The following USP28 variants were observed in gnomAD, a reference collection of about 807,000 sequenced individuals.
The protein encoded by USP28 is ubiquitin specific peptidase 28, also known as ubiquitin carboxyl-terminal hydrolase 28.
In USP28, 113 loss-of-function variants were observed where a neutral mutation model predicts 145.0. That is an observed-to-expected ratio of 0.78 (90% CI 0.67 to 0.91). The LOEUF is 0.91. USP28 is among the 40% of genes least tolerant of loss of function. The pLI, the probability that USP28 is intolerant of heterozygous loss-of-function variation, is 0.00. For missense variants in USP28, 1,201 were observed against 1,289.6 expected (o/e 0.93, Z 1.05); for synonymous variants, 447 against 450.9 (o/e 0.99, Z 0.11).
At chr11:113,858,939 T>C (rs1209340759) in intron 1 of USP28, among the ~76,000 whole-genome samples, 1 of 152,242 alleles carries the variant, frequency 6.6e-6, no homozygotes, top group Non-Finnish European at 1.5e-5. Context: ...TATGAAATTC[T>C]TGCCTTCTTT....
intron 5 of USP28, among the ~76,000 whole-genome samples, chr11:113,838,900 C>T (rs1432099731): frequency 6.6e-6 from 1 of 152,148 alleles, no homozygotes; most frequent in Non-Finnish European, 1.5e-5. Flanking sequence ...CATTTTTTGG[C>T]TTGAGCAGCT....
At position 113,801,673 on chromosome 11, in the gene USP28, C is replaced by T. The variant is rs902962307; in HGVS notation, c.2868G>A (p.Leu956=). 7 of 1,563,174 alleles carry T rather than the reference C, an allele frequency of 4.5e-6. No individual in the cohort carries two copies. In the African/African-American group the frequency reaches 6.7e-5, roughly 15 times the overall value. Reference sequence around the variant, plus strand: ...CAAAAAGAGAAGCTGCTTTGGCATTCAGCTCCTACAGATAAAAGGTAGAAT... The same window carrying T: ...CAAAAAGAGAAGCTGCTTTGGCATTTAGCTCCTACAGATAAAAGGTAGAAT... Residue 956 remains leucine (L), a synonymous_variant, in exon 24 of 25, where the codon CTG becomes CTA. Coordinates refer to ENST00000003302, the Ensembl canonical transcript of USP28.
chr11:113,813,787 G>C, intron 15 of USP28, 98 bp downstream of exon 15: 1 of 874,140 alleles, frequency 1.1e-6, no homozygotes, highest in South Asian at 1.5e-5. Context: ...TTATCTTAGG[G>C]GGATTCCCAT....
exon 25 of USP28, chr11:113,798,197 T>G (rs970037731): frequency 6.6e-6 from 1 of 150,398 alleles, no homozygotes; most frequent in East Asian, 2.0e-4. Context: ...GATAGATCAC[T>G]TGAGGCCAGG....
Position 113,841,731 on chromosome 11 carries a change from AAGATC to A in USP28, c.301_305del (p.Asp101SerfsTer17), listed in dbSNP as rs1332799585. 3 of 1,613,686 alleles carry A rather than the reference AAGATC, an allele frequency of 1.9e-6. No individual in the cohort carries two copies. In the Admixed American group the frequency reaches 5.0e-5, roughly 27 times the overall value. ...GTAGACTCAAAGCAATGGCAGCCTG[AAGATC>A]ATCTTTGTTATCATGAGTAAGGTCT... On this transcript the variant is annotated frameshift_variant, in exon 4 of 25. Coordinates refer to ENST00000003302, the Ensembl canonical transcript of USP28. LOFTEE classifies it high-confidence loss of function.
chr11:113,819,478 A>G (rs1942278264), intron 12 of USP28, among the ~76,000 whole-genome samples: 2 of 152,194 alleles, frequency 1.3e-5, no homozygotes, highest in African/African-American at 2.4e-5. Flanking sequence ...AATACAAAAA[A>G]GTATAAAACA....
chr11:113,834,143 C>A, intron 6 of USP28, 106 bp downstream of exon 6: 2 of 744,924 alleles, frequency 2.7e-6, no homozygotes, highest in South Asian at 2.6e-5. Context: ...AAATAATTAG[C>A]ACAAGCCAAA....
chr11:113,801,352 A>G, intron 24 of USP28, 131 bp downstream of exon 25: 1 of 646,772 alleles, frequency 1.5e-6, no homozygotes, highest in South Asian at 4.0e-5. Context: ...GAGCAGATCC[A>G]TTTTTAATTT....
intron 15 of USP28, among the ~76,000 whole-genome samples, chr11:113,813,351 C>T (rs758979222): frequency 6.6e-6 from 1 of 152,192 alleles, no homozygotes; most frequent in African/African-American, 2.4e-5. Flanking sequence ...ATGCCCCTAA[C>T]CAGAATAGGT....
At chr11:113,842,586 G>GA (rs752642622) in intron 3 of USP28, among the ~76,000 whole-genome samples, 205 of 77,868 alleles carry the variant, frequency 2.6e-3, no homozygotes, top group South Asian at 0.023. Context: ...CTCCGTCTCA[G>GA]AAAAAAAAAA....
exon 5 of USP28, chr11:113,840,685 G>A (rs755492841): frequency 1.2e-6 from 2 of 1,614,188 alleles, no homozygotes; most frequent in Admixed American, 3.3e-5. Flanking sequence ...CATTGGGATT[G>A]GGGTTTTCTC....
chr11:113,833,504 C>G (rs749336641), exon 7 of USP28: 1 of 1,614,170 alleles, frequency 6.2e-7, no homozygotes, highest in Non-Finnish European at 8.5e-7. Flanking sequence ...TTGATCCCAT[C>G]ATTAGAGCAA....
At chr11:113,849,248 C>G (rs1946201638) in intron 3 of USP28, among the ~76,000 whole-genome samples, 1 of 152,220 alleles carries the variant, frequency 6.6e-6, no homozygotes, top group African/African-American at 2.4e-5. Flanking sequence ...CTGCTGGATC[C>G]TATCCACACT....
chr11:113,843,349 T>C (rs1175103922), intron 3 of USP28, among the ~76,000 whole-genome samples: 1 of 151,882 alleles, frequency 6.6e-6, no homozygotes, highest in African/African-American at 2.4e-5. Context: ...GCCTGTGTGG[T>C]AGCCCTGTTC....
intron 12 of USP28, among the ~76,000 whole-genome samples, chr11:113,819,992 C>T (rs942020125): frequency 2.0e-5 from 3 of 152,326 alleles, no homozygotes; most frequent in Middle Eastern, 3.4e-3. Context: ...AAACCATTAA[C>T]CCATTTATGC....
chr11:113,871,295 G>T (rs767626420), intron 1 of USP28, among the ~76,000 whole-genome samples: 3 of 152,210 alleles, frequency 2.0e-5, no homozygotes, highest in Non-Finnish European at 2.9e-5. Flanking sequence ...GGACCATAAT[G>T]TGAGTAGCAA....
exon 14 of USP28, chr11:113,815,330 CAGG>C (rs1392717743): frequency 1.2e-6 from 2 of 1,614,010 alleles, no homozygotes; most frequent in East Asian, 4.5e-5. Flanking sequence ...AAAGAATCTT[CAGG>C]AGAAGAAAAG....
At chr11:113,866,416 ACT>A (rs1185635092) in intron 1 of USP28, among the ~76,000 whole-genome samples, 3 of 152,152 alleles carry the variant, frequency 2.0e-5, no homozygotes, top group East Asian at 1.9e-4. Context: ...GATATAAAAA[ACT>A]CTCTTTGAAC....
chr11:113,800,074 T>C (rs1381463363), intron 24 of USP28, among the ~76,000 whole-genome samples: 5 of 152,052 alleles, frequency 3.3e-5, no homozygotes, highest in Non-Finnish European at 1.5e-5. Context: ...GGCGCCATCT[T>C]TGCTCACTGC....
Sources: allele counts gnomAD v4.1 joint callset (sites outside exome capture counted in the v4.1 genomes callset), GRCh38; gene constraint gnomAD v4.1.1; transcripts MANE v1.5; gene names NCBI Gene and HGNC (gene_info 2026-07-23, HGNC 2026-07-21).